The following GRIN3A variants were observed in gnomAD, a reference collection of about 807,000 sequenced individuals.
The protein encoded by GRIN3A is glutamate receptor ionotropic, NMDA 3A.
In GRIN3A, 47 loss-of-function variants were observed where a neutral mutation model predicts 92.4. That is an observed-to-expected ratio of 0.51 (90% CI 0.40 to 0.65). The LOEUF (loss-of-function observed/expected upper bound fraction) is 0.65. Ranked by LOEUF, GRIN3A falls within the 30% of genes least tolerant of loss-of-function variation. The pLI is 0.00. For synonymous variants in GRIN3A, 527 were observed against 540.6 expected (o/e 0.97, Z 0.35); for missense variants, 1,324 against 1,393.1 (o/e 0.95, Z 0.79).
chr9:101,738,426 G>C lies in GRIN3A; in HGVS notation c.-447C>G, dbSNP rs1830248149. ...TTCTTTTCCTTTTCTGCCCAGGCGA[G>C]ACCCACTTATTTCCTGGGGTCGCGT... On this transcript the variant is annotated 5_prime_UTR_variant, in exon 1 of 9. Coordinates refer to ENST00000361820, the MANE Select transcript of GRIN3A (RefSeq NM_133445.3). 4.9e-6 allele frequency: 1 copy of C among 203,358 alleles called. No homozygotes were observed. The highest frequency in any genetic ancestry group is 2.4e-5 in the African/African-American group (1 of 41,898). 12.6% of individuals were successfully genotyped at this position (203,358 alleles called of 1,614,324 possible).
intron 2 of GRIN3A, among the ~76,000 whole-genome samples, chr9:101,682,752 G>C (rs1829474174): frequency 6.6e-6 from 1 of 152,246 alleles, no homozygotes; most frequent in South Asian, 2.1e-4. Flanking sequence ...GGAGGCCGAG[G>C]CGGGCGGATC....
intron 3 of GRIN3A, among the ~76,000 whole-genome samples, chr9:101,666,817 G>A (rs1323411): frequency 0.33 from 50,820 of 151,828 alleles, 9,422 homozygotes; most frequent in Non-Finnish European, 0.42. Context: ...GCCAAGTCCT[G>A]CTGATTGGAA....
chr9:101,634,033 C>A (rs1828746986), intron 3 of GRIN3A, among the ~76,000 whole-genome samples: 1 of 151,934 alleles, frequency 6.6e-6, no homozygotes, highest in African/African-American at 2.4e-5. Context: ...TCTCCAGTGA[C>A]AAGAAAATTA....
rs1588240849 is a variant in GRIN3A at position 101,594,908 on chromosome 9, GC to G, written c.2767-15549del. On this transcript the variant is annotated intron_variant, in intron 6 of 8. Transcript: ENST00000361820. ...GGAGCACATCTCCGCCGGGTAACTG[GC>G]CTCGTTTCCCATTGTGGACATCTGG... The G allele has an allele frequency of 1.9e-6, 3 of 1,599,322 alleles. No individual in the cohort carries two copies. In the East Asian group the frequency reaches 6.7e-5, roughly 36 times the overall value.
At chr9:101,686,387 C>T (rs1353192771) in intron 2 of GRIN3A, among the ~76,000 whole-genome samples, 1 of 152,110 alleles carries the variant, frequency 6.6e-6, no homozygotes, top group Non-Finnish European at 1.5e-5. Context: ...TGAGCACTCC[C>T]ACTATACCAT....
At chr9:101,591,004 T>G (rs1237414382) in intron 6 of GRIN3A, among the ~76,000 whole-genome samples, 1 of 152,170 alleles carries the variant, frequency 6.6e-6, no homozygotes, top group Non-Finnish European at 1.5e-5. Context: ...TTTTCTCTGT[T>G]TCAAAAAGAG....
rs1192097839 is a variant in GRIN3A, at chr9:101,686,931, G to A, written c.969C>T (p.Pro323=). ...TGTCGCAGCCAAACATCACCACTGT[G>A]GGTGTGCTGTTCTTAATACTCTCAA... ...IQLESIKNST[P]TVVMFGCDME... is the part of the protein sequence containing the mutation. The change falls in exon 2 of 9, where the codon CCC becomes CCT. Residue 323 remains proline (P), a synonymous_variant. Coordinates refer to ENST00000361820, the MANE Select transcript of GRIN3A (RefSeq NM_133445.3). 1.2e-6 allele frequency: 2 copies of A among 1,614,024 alleles called. No individual in the cohort carries two copies. Among genetic ancestry groups the A allele is most frequent in the African/African-American group, 2.7e-5 (2 of 74,924 alleles).
intron 3 of GRIN3A, among the ~76,000 whole-genome samples, chr9:101,647,476 G>T (rs1333268350): frequency 1.3e-5 from 2 of 150,250 alleles, no homozygotes; most frequent in South Asian, 2.1e-4. Context: ...TTGTGTCTTT[G>T]TCTGGTTTTG....
chr9:101,649,024 C>T (rs1828976218), intron 3 of GRIN3A, among the ~76,000 whole-genome samples: 1 of 151,976 alleles, frequency 6.6e-6, no homozygotes, highest in Non-Finnish European at 1.5e-5. Context: ...GAAACCAGAA[C>T]TTAAATACTA....
At chr9:101,726,679 A>G (rs930496997) in intron 1 of GRIN3A, among the ~76,000 whole-genome samples, 1 of 151,134 alleles carries the variant, frequency 6.6e-6, no homozygotes, top group Admixed American at 6.6e-5. Flanking sequence ...ATTTAAAATT[A>G]AAAAAATATT....
chr9:101,714,167 C>A (rs77238676), intron 1 of GRIN3A, among the ~76,000 whole-genome samples: 1 of 151,898 alleles, frequency 6.6e-6, no homozygotes, highest in Non-Finnish European at 1.5e-5. Flanking sequence ...ACTTTAGAAG[C>A]CAAAAGAAAA....
rs760337161 is a variant in GRIN3A at position 101,686,920 on chromosome 9, A to G, written c.980T>C (p.Met327Thr). 9 of 1,614,214 alleles carry G rather than the reference A, an allele frequency of 5.6e-6. No homozygotes were observed. In the South Asian group the frequency reaches 6.6e-5, roughly 12 times the overall value. The change falls in exon 2 of 9, where the codon ATG becomes ACG. Residue 327 changes from methionine (M) to threonine (T), a missense_variant. Transcript: ENST00000361820. ...GATACTTTCCATGTCGCAGCCAAACATCACCACTGTGGGTGTGCTGTTCTT... is the reference window on the plus strand; with the variant it reads ...GATACTTTCCATGTCGCAGCCAAACGTCACCACTGTGGGTGTGCTGTTCTT... The part of the protein sequence containing the change: ...SIKNSTPTVV[M>T]FGCDMESIRR...
chr9:101,665,353 A>C (rs1829224864), intron 3 of GRIN3A, among the ~76,000 whole-genome samples: 3 of 151,926 alleles, frequency 2.0e-5, no homozygotes, highest in Admixed American at 1.3e-4. Flanking sequence ...ACCAAAGAAG[A>C]GTTAAAGGAG....
rs1020666825 is a variant in GRIN3A at position 101,571,697 on chromosome 9, C to T, written c.*1477G>A. The stretch of plus-strand genomic sequence containing the variant: ...TTTTCTCTTCATGCTTCTCCTCCTG[C>T]CTGTGGGCAGCCAAACTTCCAGAAT... On this transcript the variant is annotated 3_prime_UTR_variant, in exon 9 of 9. Coordinates refer to ENST00000361820, the MANE Select transcript of GRIN3A (RefSeq NM_133445.3). 3 of 152,206 alleles carry T rather than the reference C, an allele frequency of 2.0e-5. No individual in the cohort carries two copies. The highest frequency in any genetic ancestry group is 2.9e-5 in the Non-Finnish European group (2 of 68,050). 9.4% of individuals were successfully genotyped at this position (152,206 alleles called of 1,614,324 possible).
intron 1 of GRIN3A, among the ~76,000 whole-genome samples, chr9:101,694,484 A>G (rs1226540087): frequency 6.6e-6 from 1 of 152,132 alleles, no homozygotes; most frequent in Non-Finnish European, 1.5e-5. Context: ...CTTTTTTCCC[A>G]TGATAATTCC....
chr9:101,674,084 T>C (rs989688671), intron 2 of GRIN3A, among the ~76,000 whole-genome samples: 1 of 151,634 alleles, frequency 6.6e-6, no homozygotes, highest in African/African-American at 2.4e-5. Flanking sequence ...GAAATACAAA[T>C]ACAAAGGCCA....
chr9:101,573,290 C>T lies in GRIN3A; in HGVS notation c.3232G>A (p.Glu1078Lys). The stretch of plus-strand genomic sequence containing the variant: ...ATCTGCTTCTCGAGCTCTGAGAGTT[C>T]CTGCATCACTGAGTTCCGAGATACA... ...LNVSRNSVMQ[E>K]LSELEKQIQV... Residue 1078 changes from glutamate (E) to lysine (K), a missense_variant, in exon 9 of 9, where the codon GAA becomes AAA. Physicochemically the swap from Glu to Lys is moderately conservative, Grantham distance 56. Coordinates refer to ENST00000361820, the MANE Select transcript of GRIN3A (RefSeq NM_133445.3). 1 of 1,614,026 alleles carries T rather than the reference C, an allele frequency of 6.2e-7. No homozygotes were observed.
At chr9:101,662,694 A>G (rs1057281232) in intron 3 of GRIN3A, among the ~76,000 whole-genome samples, 6 of 151,838 alleles carry the variant, frequency 4.0e-5, no homozygotes, top group African/African-American at 1.4e-4. Context: ...CCTCAAACCT[A>G]TAAACTAATC....
At chr9:101,577,557 T>G (rs1432041210) in intron 8 of GRIN3A, among the ~76,000 whole-genome samples, 1 of 152,228 alleles carries the variant, frequency 6.6e-6, no homozygotes, top group Non-Finnish European at 1.5e-5. Context: ...GGGTTGATCC[T>G]AGAGTCCATG....
Sources: gnomAD v4.1 joint callset for allele counts (sites outside exome capture counted in the v4.1 genomes callset) on GRCh38, gnomAD v4.1.1 for gene constraint, MANE v1.5 for transcripts, NCBI Gene and HGNC (gene_info 2026-07-23, HGNC 2026-07-21) for gene names.